OTOP1: variants seen among roughly 807,000 people sequenced by gnomAD.
OTOP1 encodes the protein otopetrin 1, also known as proton channel OTOP1.
A neutral mutation model predicts 52.9 loss-of-function variants in OTOP1; 59 were observed. The observed-to-expected ratio is 1.12, with a 90% CI of 0.91 to 1.39. OTOP1 has a LOEUF of 1.39. OTOP1 is among the 40% of genes most tolerant of loss of function. The pLI is 0.00. For synonymous variants in OTOP1, 317 were observed against 337.7 expected, an observed-to-expected ratio of 0.94 and a Z score of 0.67; for missense variants, 761 against 800.9, an observed-to-expected ratio of 0.95 and a Z score of 0.60.
intron 1 of OTOP1, among the ~76,000 whole-genome samples, chr4:4,223,465 T>C (rs1471508320): frequency 1.3e-5 from 2 of 151,774 alleles, no homozygotes; most frequent in Admixed American, 6.6e-5. Context: ...TGAATGATGA[T>C]AGAAGCTCTG....
At position 4,206,070 on chromosome 4, in the gene OTOP1, A is replaced by G; in HGVS notation, c.599+2T>C. On this transcript the variant is annotated splice_donor_variant, in intron 3 of 5. Transcript: ENST00000296358. LOFTEE classifies it high-confidence loss of function. ...TATAAAGCAATTACCCACAATTTTTACCTTTCCAGTGTTTTGAAAGACTGG... is the reference window on the plus strand; with the variant it reads ...TATAAAGCAATTACCCACAATTTTTGCCTTTCCAGTGTTTTGAAAGACTGG... The G allele has an allele frequency of 6.2e-7, 1 of 1,600,658 alleles. No homozygotes were observed. The highest frequency in any genetic ancestry group is 8.6e-7 in the Non-Finnish European group (1 of 1,168,266).
chr4:4,220,105 A>ATTT (rs1183792130), intron 1 of OTOP1, among the ~76,000 whole-genome samples: 14 of 59,398 alleles, frequency 2.4e-4, no homozygotes, highest in African/African-American at 6.7e-4. Context: ...ATATATATAT[A>ATTT]TTTTTTTTTT....
At chr4:4,199,787 T>C (rs1716739003) in intron 4 of OTOP1, among the ~76,000 whole-genome samples, 1 of 152,234 alleles carries the variant, frequency 6.6e-6, no homozygotes, top group Admixed American at 6.5e-5. Flanking sequence ...ACTGTGTATC[T>C]ATTTTTTAAT....
In OTOP1 at chr4:4,197,704, T is replaced by C; in HGVS notation, c.1130A>G (p.Lys377Arg). The change falls in exon 5 of 6, where the codon AAG becomes AGG. Residue 377 changes from lysine to arginine, a missense_variant. Physicochemically the swap from Lys to Arg is conservative, Grantham distance 26. Transcript: ENST00000296358. The part of the protein sequence containing the change: ...AGIRIYRIDE[K>R]SLDESKNPAR... ...CGGATTTTTGGACTCATCCAGTGACTTCTCGTCTATCCTGTAAATCCGGAT... is the reference window on the plus strand; with the variant it reads ...CGGATTTTTGGACTCATCCAGTGACCTCTCGTCTATCCTGTAAATCCGGAT... The C allele has an allele frequency of 6.2e-7, 1 of 1,613,694 alleles. No homozygotes were observed. Among genetic ancestry groups the C allele is most frequent in the Non-Finnish European group, 8.5e-7 (1 of 1,179,960 alleles).
chr4:4,197,271 C>T lies in OTOP1; in HGVS notation c.1563G>A (p.Trp521Ter). 1.9e-6 allele frequency: 3 copies of T among 1,614,182 alleles called. No homozygotes were observed. Among genetic ancestry groups the T allele is most frequent in the Non-Finnish European group, 2.5e-6 (3 of 1,180,040 alleles). Reference sequence around the variant, plus strand: ...GGCGGACTGGGCTTGGGCTCCCTCCCCAGCTGCTCTCCTCCTGCTTCTCCT... The same window carrying T: ...GGCGGACTGGGCTTGGGCTCCCTCCTCAGCTGCTCTCCTCCTGCTTCTCCT... ...KEEEKQEESS[W>*]GGSPSPVRLP... The change falls in exon 5 of 6, where the codon TGG becomes TGA. Residue 521 changes from tryptophan to a stop codon, truncating the protein, a stop_gained. Coordinates refer to ENST00000296358, the MANE Select transcript of OTOP1 (RefSeq NM_177998.3). LOFTEE classifies it high-confidence loss of function.
intron 2 of OTOP1, among the ~76,000 whole-genome samples, chr4:4,209,814 G>T (rs113547794): frequency 2.0e-5 from 3 of 152,116 alleles, no homozygotes; most frequent in African/African-American, 7.2e-5. Flanking sequence ...CTTACAAGCC[G>T]TACACCAAAC....
At chr4:4,219,856 T>C (rs1251855247) in intron 1 of OTOP1, among the ~76,000 whole-genome samples, 54 of 146,522 alleles carry the variant, frequency 3.7e-4, no homozygotes, top group East Asian at 1.6e-3. Flanking sequence ...CACATATACA[T>C]GTATATATGT....
chr4:4,202,609 A>G lies in OTOP1; in HGVS notation c.600-31T>C, dbSNP rs545697610. 5.0e-6 allele frequency: 8 copies of G among 1,611,416 alleles called. No homozygotes were observed. The South Asian group carries it at 8.8e-5, about 18-fold the overall frequency. ...AAACACAAGGACTCAGTTCTCAAGC[A>G]GCCCTGGGAGAGCCTCAGGCACCAT... is the stretch of plus-strand genomic sequence containing the variant. On this transcript the variant is annotated intron_variant, in intron 3 of 5. Transcript: ENST00000296358.
At chr4:4,193,955 A>C (rs982636070) in intron 5 of OTOP1, among the ~76,000 whole-genome samples, 7 of 152,200 alleles carry the variant, frequency 4.6e-5, no homozygotes, top group Non-Finnish European at 8.8e-5. Context: ...TGGGAGGCCT[A>C]GGCAGGCAGC....
intron 1 of OTOP1, among the ~76,000 whole-genome samples, chr4:4,216,951 A>G (rs1360507075): frequency 6.6e-6 from 1 of 152,200 alleles, no homozygotes; most frequent in Non-Finnish European, 1.5e-5. Flanking sequence ...CCGCCTCCAG[A>G]GTTTCTGATT....
chr4:4,219,911 G>T (rs1305118359), intron 1 of OTOP1, among the ~76,000 whole-genome samples: 14 of 138,808 alleles, frequency 1.0e-4, no homozygotes, highest in African/African-American at 4.0e-4. Flanking sequence ...ACATATATGT[G>T]TGTATATACG....
intron 2 of OTOP1, among the ~76,000 whole-genome samples, chr4:4,206,409 G>A (rs1716908046): frequency 6.6e-6 from 1 of 152,220 alleles, no homozygotes; most frequent in South Asian, 2.1e-4. Context: ...GATTGAGGAT[G>A]TCTGCTGTGG....
intron 1 of OTOP1, among the ~76,000 whole-genome samples, chr4:4,219,829 G>A (rs1473071660): frequency 2.7e-5 from 3 of 111,944 alleles, no homozygotes; most frequent in Admixed American, 2.4e-4. Flanking sequence ...GTATACATAT[G>A]TGTATACATA....
rs576875068 is a variant in OTOP1 at position 4,189,120 on chromosome 4, C to T, written c.1669-147G>A. The T allele has an allele frequency of 1.5e-4, 103 of 679,512 alleles. No individual in the cohort carries two copies. The African/African-American group carries it at 1.8e-3, about 12-fold the overall frequency. The allele number at this position is 679,512 out of a possible 1,614,324, so 42.1% of individuals were successfully genotyped here. ...ACAGAACAATAAGGAGACCTCATGG[C>T]ATTTCCCATCTCCACAGAAACCACC... On this transcript the variant is annotated intron_variant, in intron 5 of 5. Coordinates refer to ENST00000296358, the MANE Select transcript of OTOP1 (RefSeq NM_177998.3).
intron 5 of OTOP1, among the ~76,000 whole-genome samples, chr4:4,192,831 T>C (rs905499912): frequency 1.3e-5 from 2 of 151,638 alleles, no homozygotes; most frequent in African/African-American, 4.9e-5. Flanking sequence ...ATATGAGGAG[T>C]CTAGGAGTCA....
At chr4:4,199,572 C>G (rs962081934) in intron 4 of OTOP1, among the ~76,000 whole-genome samples, 10 of 152,020 alleles carry the variant, frequency 6.6e-5, no homozygotes, top group Non-Finnish European at 1.5e-4. Context: ...GCCACCACGC[C>G]CGGCTAATTT....
intron 3 of OTOP1, among the ~76,000 whole-genome samples, chr4:4,204,996 A>G (rs1716868336): frequency 6.6e-6 from 1 of 151,684 alleles, no homozygotes; most frequent in African/African-American, 2.4e-5. Flanking sequence ...CTGGTCTCAA[A>G]CTCCTGACTT....
rs1331204651 is a variant in OTOP1 at position 4,188,789 on chromosome 4, C to T, written c.*14G>A. On this transcript the variant is annotated 3_prime_UTR_variant, in exon 6 of 6. Coordinates refer to ENST00000296358, the MANE Select transcript of OTOP1 (RefSeq NM_177998.3). ...CTCTTGTTAGCTCACTCCTAGGTCT[C>T]TTGTGGACCCAGACTATATCTTACA... 6 of 1,605,004 alleles carry T rather than the reference C, an allele frequency of 3.7e-6. No homozygotes were observed. The highest frequency in any genetic ancestry group is 5.1e-6 in the Non-Finnish European group (6 of 1,175,706).
At position 4,212,850 on chromosome 4, in the gene OTOP1, T is replaced by C; in HGVS notation, c.540+18A>G. 1 of 1,613,290 alleles carries C rather than the reference T, an allele frequency of 6.2e-7. No homozygotes were observed. The highest frequency in any genetic ancestry group is 8.5e-7 in the Non-Finnish European group (1 of 1,179,366). On this transcript the variant is annotated intron_variant, in intron 2 of 5. Transcript: ENST00000296358. ...CTTCATAGGAATGAGACAATATAAATAAACATCAGTGGTTTACCTGCAACA... is the reference window on the plus strand; with the variant it reads ...CTTCATAGGAATGAGACAATATAAACAAACATCAGTGGTTTACCTGCAACA...
Sources: gnomAD v4.1 joint callset for allele counts (sites outside exome capture counted in the v4.1 genomes callset) on GRCh38, gnomAD v4.1.1 for gene constraint, MANE v1.5 for transcripts, NCBI Gene and HGNC (gene_info 2026-07-23, HGNC 2026-07-21) for gene names.